Variants in AASDHPPT observed in about 807,000 individuals in gnomAD.
AASDHPPT encodes L-aminoadipate-semialdehyde dehydrogenase-phosphopantetheinyl transferase.
AASDHPPT carries 23 observed loss-of-function variants against 36.4 expected under a neutral mutation model. That is an observed-to-expected ratio of 0.63 (90% CI 0.45 to 0.89). The LOEUF (loss-of-function observed/expected upper bound fraction) is 0.89, where lower values mean the gene tolerates loss of function less well. Ranked by LOEUF, AASDHPPT falls within the 40% of genes least tolerant of loss-of-function variation. The pLI is 0.00. For synonymous variants in AASDHPPT, 115 were observed against 128.0 expected (o/e 0.90, Z 0.68); for missense variants, 377 against 378.2 (o/e 1.00, Z 0.03).
At chr11:106,091,241 T>C (rs577559063) in intron 3 of AASDHPPT, 75 bp from the exon 4 acceptor site, 351 of 1,331,990 alleles carry the variant, frequency 2.6e-4, no homozygotes, top group Non-Finnish European at 3.3e-4. Flanking sequence ...AAACTCCCTA[T>C]CTTTTGGACC....
intron 2 of AASDHPPT, among the ~76,000 whole-genome samples, chr11:106,080,270 G>T (rs1322084546): frequency 2.0e-5 from 3 of 152,118 alleles, no homozygotes; most frequent in African/African-American, 7.2e-5. Context: ...GTTCCATAGG[G>T]CCGCATGCGC....
At chr11:106,092,326 A>G (rs892408457) in intron 4 of AASDHPPT, 2 of 152,172 alleles carry the variant, frequency 1.3e-5, no homozygotes, top group African/African-American at 4.8e-5. Flanking sequence ...CAAACGGGCT[A>G]TAGAGCAGTT....
chr11:106,082,721 A>G (rs559330916), intron 2 of AASDHPPT, among the ~76,000 whole-genome samples: 1 of 152,144 alleles, frequency 6.6e-6, no homozygotes, highest in African/African-American at 2.4e-5. Context: ...AGCCTACCAT[A>G]TGCCAGGACG....
intron 1 of AASDHPPT, 69 bp from the exon 2 acceptor site, chr11:106,079,398 T>A (rs907389561): frequency 2.7e-5 from 36 of 1,316,796 alleles, no homozygotes; most frequent in Non-Finnish European, 3.3e-5. Context: ...AAAAAAGTAC[T>A]ATTGCATACA....
chr11:106,092,566 C>G (rs1861266115), intron 4 of AASDHPPT: 1 of 151,932 alleles, frequency 6.6e-6, no homozygotes, highest in Non-Finnish European at 1.5e-5. Context: ...TAAGGAACAG[C>G]TATATATTGA....
At chr11:106,084,958 A>C (rs1344348832) in intron 2 of AASDHPPT, among the ~76,000 whole-genome samples, 3 of 152,116 alleles carry the variant, frequency 2.0e-5, no homozygotes, top group African/African-American at 7.2e-5. Context: ...TAGACATATT[A>C]ATGTTTGGGA....
chr11:106,088,929 C>T (rs1407264232), intron 2 of AASDHPPT, among the ~76,000 whole-genome samples: 4 of 151,964 alleles, frequency 2.6e-5, no homozygotes, highest in Admixed American at 1.3e-4. Flanking sequence ...ACTATTTTGA[C>T]TCTTGAAGCG....
chr11:106,082,731 G>A lies in AASDHPPT; in HGVS notation c.409+3039G>A, dbSNP rs563912213. 5.9e-5 allele frequency among the ~76,000 whole-genome samples: 9 copies of A among 152,112 alleles called. No individual in the cohort carries two copies. In the South Asian group the frequency reaches 6.2e-4, roughly 11 times the overall value. ...TATATAGCCTACCATATGCCAGGAC[G>A]GTACATTCTTACTCTTAGGAAGAAT... On this transcript the variant is annotated intron_variant, in intron 2 of 5. Transcript: ENST00000278618.
At chr11:106,089,414 A>C (rs981420657) in intron 2 of AASDHPPT, 2 of 152,060 alleles carry the variant, frequency 1.3e-5, no homozygotes, top group Admixed American at 6.5e-5. Context: ...TTTCTGGAAA[A>C]TAATGTAATA....
chr11:106,094,930 A>G (rs1861298008), intron 5 of AASDHPPT, among the ~76,000 whole-genome samples: 1 of 152,142 alleles, frequency 6.6e-6, no homozygotes, highest in Non-Finnish European at 1.5e-5. Context: ...GTTCCAGACC[A>G]GCCTGACCAA....
intron 5 of AASDHPPT, among the ~76,000 whole-genome samples, chr11:106,095,257 G>A (rs1173874249): frequency 6.6e-6 from 1 of 152,118 alleles, no homozygotes; most frequent in African/African-American, 2.4e-5. Flanking sequence ...CATCTTAACA[G>A]TAGTTTATTT....
At chr11:106,080,136 AT>A (rs1168165397) in intron 2 of AASDHPPT, among the ~76,000 whole-genome samples, 2 of 152,100 alleles carry the variant, frequency 1.3e-5, no homozygotes, top group Non-Finnish European at 2.9e-5. Context: ...ACTCATGTGA[AT>A]TTTTTTCAGT....
At chr11:106,083,431 G>A (rs965639690) in intron 2 of AASDHPPT, among the ~76,000 whole-genome samples, 2 of 152,094 alleles carry the variant, frequency 1.3e-5, no homozygotes, top group African/African-American at 4.8e-5. Context: ...AGATTTTATT[G>A]ATTCCTATTA....
At position 106,097,234 on chromosome 11, in the gene AASDHPPT, TA is replaced by T. The variant is rs1161095424; in HGVS notation, c.*331del. On this transcript the variant is annotated 3_prime_UTR_variant, in exon 6 of 6. Coordinates refer to ENST00000278618, the MANE Select transcript of AASDHPPT (RefSeq NM_015423.3). Reference sequence around the variant, plus strand: ...GCTATCTTTCAAAGATAACTACTCTTAAAACCTTGAGTATCTTTTCAGACCT... The same window carrying T: ...GCTATCTTTCAAAGATAACTACTCTTAAACCTTGAGTATCTTTTCAGACCT... 1 of 193,418 alleles carries T rather than the reference TA, an allele frequency of 5.2e-6. No homozygotes were observed. Among genetic ancestry groups the T allele is most frequent in the Non-Finnish European group, 1.0e-5 (1 of 96,118 alleles). 12.0% of individuals were successfully genotyped at this position (193,418 alleles called of 1,614,324 possible).
At chr11:106,078,222 T>A (rs779667756) in intron 1 of AASDHPPT, among the ~76,000 whole-genome samples, 24 of 151,550 alleles carry the variant, frequency 1.6e-4, no homozygotes, top group Admixed American at 3.3e-4. Flanking sequence ...TGTTTTTATG[T>A]CTTTATCTTT....
chr11:106,094,476 G>GTA lies in AASDHPPT; in HGVS notation c.694-96_694-95dup, dbSNP rs201593324. 2,267 of 726,216 alleles carry GTA rather than the reference G, an allele frequency of 3.1e-3. 13 individuals carry two copies. The highest frequency in any genetic ancestry group is 0.026 in the South Asian group (1,084 of 42,302). The allele number at this position is 726,216 out of a possible 1,614,324, so 45.0% of individuals were successfully genotyped here. A position where few individuals can be genotyped will look rare whatever the true frequency, so the allele number is the denominator to read the frequency against. The stretch of plus-strand genomic sequence containing the variant: ...TGCACGCGTGTGAGTGTACGTATAT[G>GTA]TATATATATATAGAGAGAGAGAGAA... On this transcript the variant is annotated intron_variant, in intron 4 of 5. Transcript: ENST00000278618.
At position 106,079,543 on chromosome 11, in the gene AASDHPPT, C is replaced by G; in HGVS notation, c.260C>G (p.Thr87Ser). ...IPWNHIRLQR[T>S]AKGKPVLAKD... ...TGGAATCATATTCGTTTGCAAAGAACTGCAAAAGGAAAACCAGTTCTTGCA... is the reference window on the plus strand; with the variant it reads ...TGGAATCATATTCGTTTGCAAAGAAGTGCAAAAGGAAAACCAGTTCTTGCA... The change falls in exon 2 of 6, where the codon ACT (threonine) becomes AGT (serine). Residue 87 changes from threonine to serine, a missense_variant. Transcript: ENST00000278618. The G allele has an allele frequency of 6.2e-7, 1 of 1,614,134 alleles. No homozygotes were observed. The highest frequency in any genetic ancestry group is 8.5e-7 in the Non-Finnish European group (1 of 1,180,008).
In AASDHPPT at chr11:106,085,348, G is replaced by A. The variant is rs955541094; in HGVS notation, c.410-5209G>A. 7.2e-5 allele frequency among the ~76,000 whole-genome samples: 11 copies of A among 152,150 alleles called. 1 individual carries two copies. In the East Asian group the frequency reaches 1.4e-3, roughly 19 times the overall value. ...GATCTCCTGACCTCGTGATCTACCC[G>A]CCTCGGCCTCCCAAAGTGCTGGGAT... On this transcript the variant is annotated intron_variant, in intron 2 of 5. Transcript: ENST00000278618.
chr11:106,095,223 A>G (rs1333460817), intron 5 of AASDHPPT, among the ~76,000 whole-genome samples: 1 of 152,192 alleles, frequency 6.6e-6, no homozygotes, highest in Non-Finnish European at 1.5e-5. Flanking sequence ...CATATTTCCA[A>G]TAGACATTCA....
Sources: allele counts gnomAD v4.1 joint callset (sites outside exome capture counted in the v4.1 genomes callset), GRCh38; gene constraint gnomAD v4.1.1; transcripts MANE v1.5; gene names NCBI Gene and HGNC (gene_info 2026-07-23, HGNC 2026-07-21).